IQUB: variants seen among roughly 807,000 people sequenced by gnomAD.
IQUB encodes IQ motif and ubiquitin domain containing.
A neutral mutation model predicts 86.4 loss-of-function variants in IQUB; 86 were observed. That is an observed-to-expected ratio of 1.00 (90% CI 0.84 to 1.19). The LOEUF is 1.19. Among genes scored for constraint, IQUB ranks in the 50% most tolerant of loss-of-function variants. The probability of loss-of-function intolerance (pLI) is 0.00; values close to 1 mark genes in which losing one functional copy is unlikely to be tolerated. For synonymous variants in IQUB, 289 were observed against 304.5 expected, an observed-to-expected ratio of 0.95 and a Z score of 0.53; for missense variants, 946 against 916.9, an observed-to-expected ratio of 1.03 and a Z score of -0.41.
chr7:123,511,225 TG>T (rs1796398167), intron 2 of IQUB, among the ~76,000 whole-genome samples: 1 of 152,152 alleles, frequency 6.6e-6, no homozygotes, highest in South Asian at 2.1e-4. Context: ...TGTTAAATCA[TG>T]GCTCATGTTC....
chr7:123,453,598 T>C (rs1469596817), intron 12 of IQUB, among the ~76,000 whole-genome samples: 1 of 151,818 alleles, frequency 6.6e-6, no homozygotes, highest in African/African-American at 2.4e-5. Flanking sequence ...CCACCAAGCA[T>C]GAGAGAGAAA....
intron 11 of IQUB, 65 bp downstream of exon 11, chr7:123,461,292 A>G: frequency 2.0e-6 from 3 of 1,468,584 alleles, no homozygotes; most frequent in South Asian, 1.3e-5. Context: ...ACAAACATAC[A>G]TAAGATTGCA....
intron 9 of IQUB, among the ~76,000 whole-genome samples, chr7:123,467,731 G>T (rs1794328855): frequency 6.6e-6 from 1 of 152,170 alleles, no homozygotes; most frequent in African/African-American, 2.4e-5. Context: ...TGATGAGGAA[G>T]ACCAAGTGGA....
chr7:123,516,689 A>G (rs577614221), intron 1 of IQUB, among the ~76,000 whole-genome samples: 1 of 152,322 alleles, frequency 6.6e-6, no homozygotes, highest in African/African-American at 2.4e-5. Flanking sequence ...GTGAGTAGGA[A>G]GTAGCCAGAA....
chr7:123,512,014 C>A lies in IQUB; in HGVS notation c.327G>T (p.Leu109Phe). 6.2e-7 allele frequency: 1 copy of A among 1,613,076 alleles called. No homozygotes were observed. The highest frequency in any genetic ancestry group is 8.5e-7 in the Non-Finnish European group (1 of 1,179,274). ...YAMQRPNDDS[L>F]AFLDKIKSVK... ...CAGACTTTATTTTATCCAGAAATGC[C>A]AAACTATCATCATTTGGCCTCTGCA... Residue 109 changes from leucine (L) to phenylalanine (F), a missense_variant, in exon 2 of 13, where the codon TTG becomes TTT. Leu to Phe is a conservative substitution (Grantham distance 22, BLOSUM62 0). Transcript: ENST00000324698.
chr7:123,500,634 G>C (rs1050164141), intron 6 of IQUB, among the ~76,000 whole-genome samples: 4 of 151,928 alleles, frequency 2.6e-5, no homozygotes, highest in Non-Finnish European at 5.9e-5. Flanking sequence ...TCCCTATACC[G>C]GCTTTTAACA....
At chr7:123,479,459 A>G (rs897947126) in intron 8 of IQUB, among the ~76,000 whole-genome samples, 1 of 152,072 alleles carries the variant, frequency 6.6e-6, no homozygotes, top group Non-Finnish European at 1.5e-5. Flanking sequence ...GATACTCTGC[A>G]TTTTATCACA....
In IQUB at chr7:123,482,055, A is replaced by G. The variant is rs909034713; in HGVS notation, c.1235-2085T>C. 6.6e-5 allele frequency among the ~76,000 whole-genome samples: 10 copies of G among 152,024 alleles called. No individual in the cohort carries two copies. In the South Asian group the frequency reaches 2.1e-3, roughly 31 times the overall value. On this transcript the variant is annotated intron_variant, in intron 7 of 12. Coordinates refer to ENST00000324698, the MANE Select transcript of IQUB (RefSeq NM_178827.5). ...GAACAAAAAAGAAAGCAGAAATAGC[A>G]ATATTAAAACATAAAACTGGGGGGG...
Position 123,452,481 on chromosome 7 carries a change from GAA to G in IQUB, c.*260_*261del. 3.9e-6 allele frequency: 1 copy of G among 254,532 alleles called. No individual in the cohort carries two copies. Among genetic ancestry groups the G allele is most frequent in the Non-Finnish European group, 7.4e-6 (1 of 135,954 alleles). The allele number at this position is 254,532 out of a possible 1,614,324, so 15.8% of individuals were successfully genotyped here. On this transcript the variant is annotated 3_prime_UTR_variant, in exon 13 of 13. Transcript: ENST00000324698. The stretch of plus-strand genomic sequence containing the variant: ...TGAAAAAATTTAAAAAATTTAATGT[GAA>G]AACACATTTTAAAATGTTTTCTTTA...
At chr7:123,522,967 T>C (rs1245934571) in intron 1 of IQUB, among the ~76,000 whole-genome samples, 3 of 149,332 alleles carry the variant, frequency 2.0e-5, no homozygotes, top group Non-Finnish European at 4.4e-5. Context: ...GGTTTTTTGT[T>C]CTTGCGATAG....
At chr7:123,498,520 G>A (rs556399837) in intron 6 of IQUB, among the ~76,000 whole-genome samples, 27 of 152,224 alleles carry the variant, frequency 1.8e-4, no homozygotes, top group Non-Finnish European at 3.8e-4. Context: ...GGATTAGCCT[G>A]AGTGCTATTA....
intron 8 of IQUB, among the ~76,000 whole-genome samples, chr7:123,478,693 T>C (rs959424074): frequency 2.0e-5 from 3 of 151,904 alleles, no homozygotes; most frequent in Non-Finnish European, 4.4e-5. Context: ...AATAAACAGG[T>C]TGGTGGCTAG....
Position 123,479,810 on chromosome 7 carries a change from T to C in IQUB, c.1395A>G (p.Gln465=). Residue 465 remains glutamine, a synonymous_variant, in exon 8 of 13, where the codon CAA becomes CAG. Transcript: ENST00000324698. ...AYMANQEAAI[Q]AFLDKCSAPK... is the part of the protein sequence containing the mutation. Reference sequence around the variant, plus strand: ...CTTCACTAACCTTATCCAAAAAAGCTTGTATTGCTGCTTCCTGATTTGCCA... The same window carrying C: ...CTTCACTAACCTTATCCAAAAAAGCCTGTATTGCTGCTTCCTGATTTGCCA... 6.2e-7 allele frequency: 1 copy of C among 1,611,492 alleles called. No homozygotes were observed. The highest frequency in any genetic ancestry group is 1.3e-5 in the African/African-American group (1 of 74,894).
chr7:123,521,969 G>A (rs1257682712), intron 1 of IQUB, among the ~76,000 whole-genome samples: 6 of 152,082 alleles, frequency 3.9e-5, no homozygotes, highest in Admixed American at 3.3e-4. Flanking sequence ...AGGGCTGACT[G>A]GAGCCAGCCC....
intron 3 of IQUB, among the ~76,000 whole-genome samples, chr7:123,509,558 A>C (rs1220438447): frequency 1.3e-5 from 2 of 152,142 alleles, no homozygotes; most frequent in Admixed American, 1.3e-4. Flanking sequence ...ACTTTCTAGA[A>C]TCTACCAAGT....
intron 8 of IQUB, among the ~76,000 whole-genome samples, chr7:123,479,128 T>G (rs1794883692): frequency 6.6e-6 from 1 of 152,228 alleles, no homozygotes; most frequent in Non-Finnish European, 1.5e-5. Context: ...GGCTAACATC[T>G]TAGAGAAATG....
At chr7:123,504,410 C>T (rs950808601) in intron 3 of IQUB, among the ~76,000 whole-genome samples, 14 of 152,046 alleles carry the variant, frequency 9.2e-5, no homozygotes, top group African/African-American at 3.4e-4. Context: ...AGATCACACC[C>T]TGAACTCAAG....
At chr7:123,525,668 A>G (rs540691798) in intron 1 of IQUB, among the ~76,000 whole-genome samples, 2 of 151,992 alleles carry the variant, frequency 1.3e-5, no homozygotes, top group Non-Finnish European at 2.9e-5. Flanking sequence ...GGATTCATTA[A>G]TTTTTTGAAG....
At chr7:123,471,524 G>A (rs991107172) in intron 8 of IQUB, among the ~76,000 whole-genome samples, 3 of 152,064 alleles carry the variant, frequency 2.0e-5, no homozygotes, top group Non-Finnish European at 4.4e-5. Context: ...CTGCATGGTG[G>A]TAAATTATTT....
Sources: gnomAD v4.1 joint callset for allele counts (sites outside exome capture counted in the v4.1 genomes callset) on GRCh38, gnomAD v4.1.1 for gene constraint, MANE v1.5 for transcripts, NCBI Gene and HGNC (gene_info 2026-07-23, HGNC 2026-07-21) for gene names.